The following CDHR3 variants were observed in gnomAD, a reference collection of about 807,000 sequenced individuals.
The protein encoded by CDHR3 is cadherin related family member 3, also known as cadherin-related family member 3.
In CDHR3, 79 loss-of-function variants were observed where a neutral mutation model predicts 86.6. That is an observed-to-expected ratio of 0.91 (90% confidence interval 0.76 to 1.10). CDHR3 has a LOEUF of 1.10. CDHR3 is among the 50% of genes least tolerant of loss of function. CDHR3 has a pLI of 0.00. For missense variants in CDHR3, 1,081 were observed against 1,077.6 expected (o/e 1.00, Z -0.04); for synonymous variants, 421 against 402.4 (o/e 1.05, Z -0.55).
intron 1 of CDHR3, among the ~76,000 whole-genome samples, chr7:105,969,828 T>C (rs1827664421): frequency 6.6e-6 from 1 of 152,186 alleles, no homozygotes; most frequent in Non-Finnish European, 1.5e-5. Context: ...ACTGTAGATT[T>C]ATAAGCATTG....
In CDHR3 at chr7:106,032,755, T is replaced by C. The variant is rs1042564339; in HGVS notation, c.*58T>C. The C allele has an allele frequency of 3.3e-6, 5 of 1,513,702 alleles. No homozygotes were observed. Among genetic ancestry groups the C allele is most frequent in the Non-Finnish European group, 4.5e-6 (5 of 1,122,626 alleles). 93.8% of individuals were successfully genotyped at this position (1,513,702 alleles called of 1,614,324 possible). A position where few individuals can be genotyped will look rare whatever the true frequency, so the allele number is the denominator to read the frequency against. ...AGATGCTGCCTCACCCTAAATTCTATGGGGATGGTGTGGGCATGGTGTAGG... is the reference window on the plus strand; with the variant it reads ...AGATGCTGCCTCACCCTAAATTCTACGGGGATGGTGTGGGCATGGTGTAGG... On this transcript the variant is annotated 3_prime_UTR_variant, in exon 19 of 19. Coordinates refer to ENST00000317716, the MANE Select transcript of CDHR3 (RefSeq NM_152750.5).
chr7:105,974,764 C>T (rs1005709331), intron 1 of CDHR3, 80 bp from the exon 2 acceptor site: 73 of 1,142,240 alleles, frequency 6.4e-5, no homozygotes, highest in Non-Finnish European at 3.6e-5. Flanking sequence ...CGAATTGAAG[C>T]CACAAACCAA....
intron 2 of CDHR3, among the ~76,000 whole-genome samples, chr7:105,980,539 G>T (rs1273497919): frequency 1.3e-5 from 2 of 149,182 alleles, no homozygotes; most frequent in Admixed American, 6.6e-5. Flanking sequence ...CTATATTCAG[G>T]GTAGTTAAAG....
intron 8 of CDHR3, 29 bp downstream of exon 8, chr7:106,004,716 C>T (rs902792002): frequency 1.2e-6 from 2 of 1,609,738 alleles, no homozygotes; most frequent in African/African-American, 1.3e-5. Flanking sequence ...TTGGGCTGGA[C>T]ATTCTATCTC....
Position 105,981,042 on chromosome 7 carries a change from G to A in CDHR3, c.324G>A (p.Lys108=). The A allele has an allele frequency of 6.2e-7, 1 of 1,612,824 alleles. No homozygotes were observed. Among genetic ancestry groups the A allele is most frequent in the East Asian group, 2.2e-5 (1 of 44,866 alleles). Residue 108 remains lysine, a synonymous_variant, in exon 3 of 19, where the codon AAG becomes AAA. Transcript: ENST00000317716. ...PNIFDLQIYV[K]DEVGVTDLQV... ...TATTTGATTTGCAGATTTATGTGAA[G>A]GATGAGGTTGGTGTCACAGACCTGC...
At chr7:105,985,875 A>G (rs575813684) in intron 4 of CDHR3, among the ~76,000 whole-genome samples, 96 of 152,342 alleles carry the variant, frequency 6.3e-4, no homozygotes, top group African/African-American at 2.2e-3. Flanking sequence ...GTACATGGGA[A>G]CTTTTTTTCT....
In CDHR3 at chr7:106,007,772, A is replaced by G. The variant is rs567867089; in HGVS notation, c.1052+3085A>G. On this transcript the variant is annotated intron_variant, in intron 8 of 18. Transcript: ENST00000317716. Reference sequence around the variant, plus strand: ...TCTTTTAAGCCCACCAAACTGTTCCAACCCCTGCCTGTTACCCAGTTCCAA... The same window carrying G: ...TCTTTTAAGCCCACCAAACTGTTCCGACCCCTGCCTGTTACCCAGTTCCAA... Among the ~76,000 whole-genome samples the G allele has an allele frequency of 2.6e-5, 4 of 152,358 alleles. No homozygotes were observed. The South Asian group carries it at 6.2e-4, about 24-fold the overall frequency.
At chr7:106,018,365 T>C (rs1835986986) in intron 12 of CDHR3, among the ~76,000 whole-genome samples, 2 of 152,168 alleles carry the variant, frequency 1.3e-5, no homozygotes, top group South Asian at 2.1e-4. Context: ...GCCTCTCAAG[T>C]AGCTGGGATT....
intron 6 of CDHR3, among the ~76,000 whole-genome samples, chr7:106,000,283 G>A (rs1212784653): frequency 3.3e-5 from 5 of 152,178 alleles, no homozygotes; most frequent in African/African-American, 9.7e-5. Context: ...GAATAGATGT[G>A]GGGGGACCCT....
intron 1 of CDHR3, among the ~76,000 whole-genome samples, chr7:105,970,437 CT>C (rs1827770947): frequency 6.6e-6 from 1 of 152,192 alleles, no homozygotes; most frequent in African/African-American, 2.4e-5. Flanking sequence ...CATGCTCTTT[CT>C]TTTCCAAAGT....
intron 3 of CDHR3, among the ~76,000 whole-genome samples, chr7:105,983,335 A>G (rs1269586017): frequency 6.6e-6 from 1 of 152,194 alleles, no homozygotes; most frequent in Non-Finnish European, 1.5e-5. Flanking sequence ...CTGGATTTTA[A>G]TTTCGATTCT....
At chr7:105,988,476 G>T (rs1438614352) in intron 4 of CDHR3, among the ~76,000 whole-genome samples, 1 of 152,186 alleles carries the variant, frequency 6.6e-6, no homozygotes, top group Non-Finnish European at 1.5e-5. Context: ...CCTGCTGGTG[G>T]CAGCAACTAG....
intron 8 of CDHR3, among the ~76,000 whole-genome samples, chr7:106,011,298 G>C (rs1040488661): frequency 1.3e-5 from 2 of 152,140 alleles, no homozygotes; most frequent in African/African-American, 4.8e-5. Context: ...CACGTGAATT[G>C]CTTTGACCAC....
intron 10 of CDHR3, 85 bp from the exon 11 acceptor site, chr7:106,015,842 A>G: frequency 9.9e-7 from 1 of 1,007,272 alleles, no homozygotes; most frequent in East Asian, 2.6e-5. Context: ...CAAAGCCTGT[A>G]CACAGGAGAT....
At chr7:106,014,639 C>G (rs1835300655) in intron 9 of CDHR3, among the ~76,000 whole-genome samples, 1 of 152,098 alleles carries the variant, frequency 6.6e-6, no homozygotes. Context: ...CTCTAAAAAA[C>G]AATAAAGAAA....
intron 12 of CDHR3, among the ~76,000 whole-genome samples, chr7:106,019,282 C>G (rs1836166715): frequency 6.6e-6 from 1 of 152,150 alleles, no homozygotes; most frequent in African/African-American, 2.4e-5. Flanking sequence ...AGTCCGCTTC[C>G]TCCGATAACT....
chr7:106,031,002 A>T (rs1838246386), intron 18 of CDHR3, among the ~76,000 whole-genome samples, 162 bp downstream of exon 18: 4 of 152,214 alleles, frequency 2.6e-5, no homozygotes, highest in Admixed American at 2.0e-4. Flanking sequence ...ACAACGTGAG[A>T]TCAGCTGTGA....
chr7:106,003,979 C>T (rs1217490368), intron 7 of CDHR3, among the ~76,000 whole-genome samples: 1 of 72,420 alleles, frequency 1.4e-5, no homozygotes, highest in Admixed American at 1.7e-4. Flanking sequence ...CTAAGGTAAA[C>T]CAACCTAACC....
At chr7:106,025,922 G>A (rs559604172) in intron 15 of CDHR3, among the ~76,000 whole-genome samples, 1 of 152,270 alleles carries the variant, frequency 6.6e-6, no homozygotes, top group Admixed American at 6.5e-5. Context: ...GGATGGTGGT[G>A]TACTGTACTG....
Sources: gnomAD v4.1 joint callset for allele counts (sites outside exome capture counted in the v4.1 genomes callset) on GRCh38, gnomAD v4.1.1 for gene constraint, MANE v1.5 for transcripts, NCBI Gene and HGNC (gene_info 2026-07-23, HGNC 2026-07-21) for gene names.